The following ZC3H13 variants were observed in gnomAD, a reference collection of about 807,000 sequenced individuals.
The protein encoded by ZC3H13 is zinc finger CCCH-type containing 13, also known as zinc finger CCCH domain-containing protein 13.
Under a neutral mutation model 204.1 loss-of-function variants are expected in ZC3H13, and 64 were observed. The observed-to-expected ratio is 0.31, with a 90% CI of 0.26 to 0.39. The LOEUF is 0.39. ZC3H13 is among the 10% of genes least tolerant of loss of function. The pLI is 1.00. For missense variants in ZC3H13, 1,833 were observed against 2,082.7 expected, an observed-to-expected ratio of 0.88 and a Z score of 2.33; for synonymous variants, 667 against 693.7, an observed-to-expected ratio of 0.96 and a Z score of 0.60.
At position 46,043,638 on chromosome 13, in the gene ZC3H13, G is replaced by A. The variant is rs1217615184; in HGVS notation, c.227+1317C>T. On this transcript the variant is annotated intron_variant, in intron 3 of 18. Transcript: ENST00000679008. ...ACATTGCTTTTCTTATCTTTGACTC[G>A]CATTATGAACTATGTTTTTCCTCCC... Among the ~76,000 whole-genome samples the A allele has an allele frequency of 5.9e-5, 9 of 151,702 alleles. No individual in the cohort carries two copies. The East Asian group carries it at 1.3e-3, about 23-fold the overall frequency.
At chr13:46,040,401 A>G (rs2043494957) in intron 4 of ZC3H13, among the ~76,000 whole-genome samples, 1 of 152,122 alleles carries the variant, frequency 6.6e-6, no homozygotes. Flanking sequence ...ATGCAAAAGA[A>G]TAAGGCTGAA....
chr13:45,986,091 A>G (rs1206705537), intron 9 of ZC3H13, among the ~76,000 whole-genome samples: 1 of 152,204 alleles, frequency 6.6e-6, no homozygotes, highest in Non-Finnish European at 1.5e-5. Flanking sequence ...AGATACAAAG[A>G]CACTTCAGTT....
chr13:45,962,861 G>C, intron 17 of ZC3H13: 1 of 985,052 alleles, frequency 1.0e-6, no homozygotes, highest in Non-Finnish European at 1.2e-6. Context: ...CATTAATAAA[G>C]TATTAGTAAG....
chr13:45,969,843 T>G lies in ZC3H13; in HGVS notation c.2701A>C (p.Ser901Arg), dbSNP rs1460710199. The G allele has an allele frequency of 6.2e-7, 1 of 1,613,974 alleles. No homozygotes were observed. Among genetic ancestry groups the G allele is most frequent in the South Asian group, 1.1e-5 (1 of 91,078 alleles). ...EEDRKPERKE[S>R]SRRYEEQELK... ...TCCTGTTCTTCGTAGCGCCTTGAAC[T>G]CTCTTTCCTTTCTGGTTTACGATCC... Residue 901 changes from serine (S) to arginine (R), a missense_variant, in exon 14 of 19, where the codon AGT becomes CGT. This residue lies in a region of ZC3H13 where 1,574 missense variants were observed against 1,757.2 expected (regional missense o/e 0.90). Transcript: ENST00000679008.
At chr13:46,050,966 A>T (rs2044365764) in intron 1 of ZC3H13, among the ~76,000 whole-genome samples, 1 of 152,174 alleles carries the variant, frequency 6.6e-6, no homozygotes, top group South Asian at 2.1e-4. Context: ...TACTACTAAC[A>T]GCTGGAGAAA....
rs773503167 is a variant in ZC3H13, at chr13:45,985,414, T to G, written c.1603A>C (p.Arg535=). 1.3e-5 allele frequency: 21 copies of G among 1,614,120 alleles called. No homozygotes were observed. Among genetic ancestry groups the G allele is most frequent in the Admixed American group, 3.3e-5 (2 of 60,008 alleles). ...ESRSYGRNHL[R]EESSRTEIRN... is the part of the protein sequence containing the mutation. ...ATTTCCGTACGAGAACTTTCTTCTC[T>G]CAAATGGTTTCGGCCATAACTCCGG... is the stretch of plus-strand genomic sequence containing the variant. The change falls in exon 10 of 19, where the codon AGA becomes CGA. Residue 535 remains arginine (R), a synonymous_variant. Coordinates refer to ENST00000679008, the MANE Select transcript of ZC3H13 (RefSeq NM_001330564.2).
intron 4 of ZC3H13, among the ~76,000 whole-genome samples, chr13:46,037,577 T>G (rs879877173): frequency 5.9e-5 from 9 of 152,172 alleles, no homozygotes; most frequent in Non-Finnish European, 1.3e-4. Flanking sequence ...AAAATACAAT[T>G]CCATTTTAAT....
chr13:45,982,898 T>G (rs926472022), intron 10 of ZC3H13, among the ~76,000 whole-genome samples: 1 of 152,214 alleles, frequency 6.6e-6, no homozygotes, highest in Admixed American at 6.5e-5. Flanking sequence ...AGTCATTCTA[T>G]AATGAATAAA....
chr13:45,973,986 C>T (rs971532387), intron 12 of ZC3H13, among the ~76,000 whole-genome samples: 1 of 152,156 alleles, frequency 6.6e-6, no homozygotes, highest in Non-Finnish European at 1.5e-5. Context: ...TGTTGTTTGG[C>T]CCTAACCATA....
chr13:45,991,228 TATTAGTTC>T (rs2039947589), intron 8 of ZC3H13, among the ~76,000 whole-genome samples: 1 of 152,206 alleles, frequency 6.6e-6, no homozygotes, highest in Non-Finnish European at 1.5e-5. Context: ...AGCCTTGAGT[TATTAGTTC>T]ATAAAACTTA....
intron 4 of ZC3H13, among the ~76,000 whole-genome samples, chr13:46,031,352 A>G (rs1056005641): frequency 6.6e-6 from 1 of 152,116 alleles, no homozygotes; most frequent in Non-Finnish European, 1.5e-5. Flanking sequence ...AGAAAGTAAC[A>G]TAAGAGAGTA....
intron 11 of ZC3H13, 128 bp from the exon 12 acceptor site, chr13:45,975,966 TA>T (rs1270072141): frequency 1.7e-5 from 23 of 1,390,972 alleles, no homozygotes; most frequent in Non-Finnish European, 1.9e-5. Context: ...CCAAGTAGCA[TA>T]TTTAATTTTA....
intron 8 of ZC3H13, among the ~76,000 whole-genome samples, chr13:46,002,549 A>G (rs1201082588): frequency 6.6e-6 from 1 of 152,216 alleles, no homozygotes; most frequent in Non-Finnish European, 1.5e-5. Context: ...ATGGATAAAT[A>G]AAATGTGGCA....
rs531276545 is a variant in ZC3H13 at position 46,019,772 on chromosome 13, A to G, written c.448+677T>C. Among the ~76,000 whole-genome samples, 14 of 152,056 alleles carry G rather than the reference A, an allele frequency of 9.2e-5. No homozygotes were observed. The East Asian group carries it at 2.5e-3, about 27-fold the overall frequency. On this transcript the variant is annotated intron_variant, in intron 5 of 18. Transcript: ENST00000679008. ...CTAATTTCTTTGTTTTTTTGTAGAG[A>G]TGGGGTCTTACTTTGTTGCCCACAC...
chr13:45,969,210 C>G lies in ZC3H13; in HGVS notation c.3334G>C (p.Ala1112Pro), dbSNP rs1320689592. Residue 1112 changes from alanine to proline, a missense_variant, in exon 14 of 19, where the codon GCT becomes CCT. Physicochemically the swap from Ala to Pro is conservative, Grantham distance 27. Transcript: ENST00000679008. ...PPPPPVATATATTVPATLAAT... is the reference protein window; with the variant it reads ...PPPPPVATATPTTVPATLAAT... ...GCAAGAGTTGCAGGCACAGTTGTAG[C>G]AGTGGCAGTAGCCACAGGCGGTGGA... 6.2e-7 allele frequency: 1 copy of G among 1,613,848 alleles called. No homozygotes were observed. The highest frequency in any genetic ancestry group is 1.3e-5 in the African/African-American group (1 of 75,028).
intron 18 of ZC3H13, among the ~76,000 whole-genome samples, chr13:45,958,691 T>C (rs1951457222): frequency 6.7e-6 from 1 of 148,538 alleles, no homozygotes; most frequent in Non-Finnish European, 1.5e-5. Flanking sequence ...AGTCTTGCTT[T>C]GTCGCCCAGG....
chr13:46,043,730 T>C (rs2043747294), intron 3 of ZC3H13, among the ~76,000 whole-genome samples: 1 of 151,896 alleles, frequency 6.6e-6, no homozygotes. Context: ...ATAGCAAAAT[T>C]ATAATAAATA....
Position 45,988,807 on chromosome 13 carries a change from C to T in ZC3H13, c.1235G>A (p.Arg412Gln), listed in dbSNP as rs144528347. ...DHERTSQSHD[R>Q]RHERREDTRG... ...CACACCTTCCCTCCTTTCATGGCGT[C>T]GATCATGAGACTGTGAAGTTCGTTC... The change falls in exon 9 of 19, where the codon CGA (arginine) becomes CAA (glutamine). Residue 412 changes from arginine to glutamine, a missense_variant. Arg to Gln is a conservative substitution (Grantham distance 43). Coordinates refer to ENST00000679008, the MANE Select transcript of ZC3H13 (RefSeq NM_001330564.2). The T allele has an allele frequency of 6.2e-7, 1 of 1,612,644 alleles. No homozygotes were observed. The highest frequency in any genetic ancestry group is 8.5e-7 in the Non-Finnish European group (1 of 1,178,820).
At chr13:46,038,892 C>T (rs1022801682) in intron 4 of ZC3H13, among the ~76,000 whole-genome samples, 5 of 152,136 alleles carry the variant, frequency 3.3e-5, no homozygotes, top group East Asian at 3.9e-4. Context: ...CGTGGTGGCA[C>T]GCACCTGTAA....
Sources: allele counts gnomAD v4.1 joint callset (sites outside exome capture counted in the v4.1 genomes callset), GRCh38; gene constraint gnomAD v4.1.1; regional missense constraint gnomAD v4.1.1; transcripts MANE v1.5; gene names NCBI Gene and HGNC (gene_info 2026-07-23, HGNC 2026-07-21).